Variants in BCAS3 observed in about 807,000 individuals in gnomAD.
The protein encoded by BCAS3 is BCAS4/BCAS3 fusion.
A neutral mutation model predicts 116.1 loss-of-function variants in BCAS3; 53 were observed. That is an observed-to-expected ratio of 0.46 (90% CI 0.37 to 0.57). The LOEUF is 0.57. BCAS3 is among the 20% of genes least tolerant of loss of function. The pLI, the probability that BCAS3 is intolerant of heterozygous loss-of-function variation, is 0.00. For missense variants in BCAS3, 917 were observed against 1,165.4 expected (o/e 0.79, Z 3.10); for synonymous variants, 391 against 408.2 (o/e 0.96, Z 0.51).
intron 18 of BCAS3, among the ~76,000 whole-genome samples, chr17:61,039,660 A>T (rs1430166618): frequency 6.6e-6 from 1 of 152,122 alleles, no homozygotes; most frequent in Non-Finnish European, 1.5e-5. Context: ...TGACCTCATG[A>T]TCCACCCACC....
intron 14 of BCAS3, among the ~76,000 whole-genome samples, chr17:60,959,286 A>T (rs1200674593): frequency 6.6e-6 from 1 of 152,096 alleles, no homozygotes; most frequent in East Asian, 1.9e-4. Context: ...CAGCCTGGGA[A>T]ACAGAGCAAA....
rs1162637193 is a variant in BCAS3 at position 61,364,083 on chromosome 17, G to A, written c.2426-4244G>A. On this transcript the variant is annotated intron_variant, in intron 22 of 23. Coordinates refer to ENST00000407086, the MANE Select transcript of BCAS3 (RefSeq NM_017679.5). The surrounding 1 kb of genome is among the most constrained non-coding windows in gnomAD (Gnocchi z 5.4). Reference sequence around the variant, plus strand: ...AGACAGCGGGTATGGCAGAGCCTCTGATGGGACTCCTAGCAGGATAAGCAG... The same window carrying A: ...AGACAGCGGGTATGGCAGAGCCTCTAATGGGACTCCTAGCAGGATAAGCAG... 1.3e-5 allele frequency among the ~76,000 whole-genome samples: 2 copies of A among 152,206 alleles called. No homozygotes were observed. The highest frequency in any genetic ancestry group is 2.9e-5 in the Non-Finnish European group (2 of 68,030).
At chr17:60,898,714 A>G (rs565827337) in intron 10 of BCAS3, among the ~76,000 whole-genome samples, 1 of 152,308 alleles carries the variant, frequency 6.6e-6, no homozygotes, top group African/African-American at 2.4e-5. Flanking sequence ...GGTAGTGGCA[A>G]TGGTGAACAG....
Position 61,196,171 on chromosome 17 carries a change from G to A in BCAS3, c.2425+111607G>A, listed in dbSNP as rs951693647. ...CTTGCTCTGACCCTATCTGAAATCA[G>A]TGTAGTCTGAACTACTAGAGAGACG... On this transcript the variant is annotated intron_variant, in intron 22 of 23. Transcript: ENST00000407086. This position sits in a 1 kb window ranked among gnomAD's most constrained non-coding sequence, Gnocchi z 4.7. Among the ~76,000 whole-genome samples the A allele has an allele frequency of 6.6e-6, 1 of 152,174 alleles. No individual in the cohort carries two copies. Among genetic ancestry groups the A allele is most frequent in the Non-Finnish European group, 1.5e-5 (1 of 68,038 alleles).
At chr17:60,795,945 C>T (rs984338816) in intron 6 of BCAS3, among the ~76,000 whole-genome samples, 2 of 152,178 alleles carry the variant, frequency 1.3e-5, no homozygotes, top group South Asian at 2.1e-4. Context: ...CCACCTCGGC[C>T]TCCCAAAGTG....
chr17:60,804,555 T>C (rs1032153504), intron 6 of BCAS3, among the ~76,000 whole-genome samples: 1 of 152,196 alleles, frequency 6.6e-6, no homozygotes, highest in East Asian at 1.9e-4. Flanking sequence ...GTATTCCTTT[T>C]TTCCACTTTA....
chr17:61,287,551 C>T (rs533379692), intron 22 of BCAS3, among the ~76,000 whole-genome samples: 1 of 151,936 alleles, frequency 6.6e-6, no homozygotes, highest in Non-Finnish European at 1.5e-5. Flanking sequence ...CATAGTGAGA[C>T]CTCGTCTCTA....
At chr17:60,709,736 G>C (rs1404917042) in intron 5 of BCAS3, among the ~76,000 whole-genome samples, 1 of 152,026 alleles carries the variant, frequency 6.6e-6, no homozygotes, top group Non-Finnish European at 1.5e-5. Flanking sequence ...TGGAGTTACT[G>C]AGTCAAAGGC....
intron 22 of BCAS3, among the ~76,000 whole-genome samples, chr17:61,155,276 A>G (rs1051006442): frequency 2.0e-5 from 3 of 152,190 alleles, no homozygotes; most frequent in Non-Finnish European, 2.9e-5. Flanking sequence ...TCAGAGACAA[A>G]TACTAGTGGG....
At chr17:60,972,392 C>T (rs985072582) in intron 14 of BCAS3, among the ~76,000 whole-genome samples, 2 of 151,604 alleles carry the variant, frequency 1.3e-5, no homozygotes, top group African/African-American at 4.9e-5. Context: ...GGGGAAGCTA[C>T]CCTTTGCATA....
At chr17:60,840,045 A>T (rs2051748769) in intron 7 of BCAS3, among the ~76,000 whole-genome samples, 1 of 146,444 alleles carries the variant, frequency 6.8e-6, no homozygotes, top group Non-Finnish European at 1.5e-5. Context: ...GTATTGCATT[A>T]AAAAAAAAAC....
chr17:61,027,043 A>G, intron 16 of BCAS3: 1 of 719,944 alleles, frequency 1.4e-6, no homozygotes, highest in East Asian at 2.9e-5. Flanking sequence ...TAATTTGTAG[A>G]TGGAACATGA....
rs1247608504 is a variant in BCAS3, at chr17:61,224,822, A to G, written c.2425+140258A>G. Among the ~76,000 whole-genome samples, 1 of 152,210 alleles carries G rather than the reference A, an allele frequency of 6.6e-6. No individual in the cohort carries two copies. The highest frequency in any genetic ancestry group is 1.5e-5 in the Non-Finnish European group (1 of 68,036). On this transcript the variant is annotated intron_variant, in intron 22 of 23. Coordinates refer to ENST00000407086, the MANE Select transcript of BCAS3 (RefSeq NM_017679.5). The surrounding 1 kb of genome is among the most constrained non-coding windows in gnomAD (Gnocchi z 5.7). ...AAATAGACTGAAGTACTTTTAGCAC[A>G]TTTGGCTTCAGCCTAGCCATATTTC...
Position 60,754,746 on chromosome 17 carries a change from C to G in BCAS3, c.403+7467C>G, listed in dbSNP as rs921301117. 6.2e-5 allele frequency among the ~76,000 whole-genome samples: 7 copies of G among 112,756 alleles called. 1 individual carries two copies. Among genetic ancestry groups the G allele is most frequent in the Non-Finnish European group, 1.2e-4 (6 of 50,098 alleles). 74.0% of individuals were successfully genotyped at this position (112,756 alleles called of 152,430 possible). On this transcript the variant is annotated intron_variant, in intron 6 of 23. Coordinates refer to ENST00000407086, the MANE Select transcript of BCAS3 (RefSeq NM_017679.5). ...ACACACACACACACACACACAGAGT[C>G]TGTTCAGCCGAAACACTAGCAAGCC...
chr17:61,069,926 C>T lies in BCAS3; in HGVS notation c.2030-4994C>T, dbSNP rs529164460. The T allele has an allele frequency of 1.5e-4, 230 of 1,543,196 alleles. 3 individuals carry two copies. In the South Asian group the frequency reaches 2.0e-3, roughly 13 times the overall value. On this transcript the variant is annotated intron_variant, in intron 19 of 23. Transcript: ENST00000407086. The stretch of plus-strand genomic sequence containing the variant: ...GCCCCTCCTAAAGCCGAAGCCAAAG[C>T]GAAGGCTTTAAAGGCCAAGAAGGCA...
chr17:61,163,925 A>T (rs2078319497), intron 22 of BCAS3, among the ~76,000 whole-genome samples: 1 of 147,448 alleles, frequency 6.8e-6, no homozygotes, highest in Non-Finnish European at 1.5e-5. Context: ...TGCCTCTGGG[A>T]GGCAGAGGTT....
At chr17:60,728,110 G>A (rs996136770) in intron 5 of BCAS3, among the ~76,000 whole-genome samples, 3 of 151,816 alleles carry the variant, frequency 2.0e-5, no homozygotes, top group South Asian at 2.1e-4. Context: ...TACCCGGCCT[G>A]GTTTTTGGTG....
At chr17:60,935,985 C>T (rs1376363909) in intron 13 of BCAS3, among the ~76,000 whole-genome samples, 1 of 151,756 alleles carries the variant, frequency 6.6e-6, no homozygotes, top group African/African-American at 2.4e-5. Context: ...TTAAGTATAT[C>T]TCCAAATGCT....
rs189992389 is a variant in BCAS3, at chr17:61,365,181, C to T, written c.2426-3146C>T. Among the ~76,000 whole-genome samples the T allele has an allele frequency of 7.7e-4, 117 of 152,298 alleles. No individual in the cohort carries two copies. Among genetic ancestry groups the T allele is most frequent in the African/African-American group, 2.6e-3 (110 of 41,558 alleles). On this transcript the variant is annotated intron_variant, in intron 22 of 23. Coordinates refer to ENST00000407086, the MANE Select transcript of BCAS3 (RefSeq NM_017679.5). This position sits in a 1 kb window ranked among gnomAD's most constrained non-coding sequence, Gnocchi z 4.6. Reference sequence around the variant, plus strand: ...TCTTGAAGTCCAGGCCTATTTCCATCCACCACTATGACACTAGCTCATGAT... The same window carrying T: ...TCTTGAAGTCCAGGCCTATTTCCATTCACCACTATGACACTAGCTCATGAT...
Sources: gnomAD v4.1 joint callset for allele counts (sites outside exome capture counted in the v4.1 genomes callset) on GRCh38, gnomAD v4.1.1 for gene constraint, Gnocchi (gnomAD v3.1) non-coding constraint, MANE v1.5 for transcripts, NCBI Gene and HGNC (gene_info 2026-07-23, HGNC 2026-07-21) for gene names.